The following NEBL variants were observed in gnomAD, a reference collection of about 807,000 sequenced individuals.
The protein encoded by NEBL is LIM and SH3 protein 2.
A neutral mutation model predicts 140.2 loss-of-function variants in NEBL; 122 were observed. The observed-to-expected ratio is 0.87, with a 90% CI of 0.75 to 1.01. The LOEUF (loss-of-function observed/expected upper bound fraction) is 1.01. NEBL is among the 50% of genes least tolerant of loss of function. The pLI, the probability that NEBL is intolerant of heterozygous loss-of-function variation, is 0.00. For missense variants in NEBL, 1,365 were observed against 1,231.3 expected, an observed-to-expected ratio of 1.11 and a Z score of -1.62; for synonymous variants, 436 against 398.9, an observed-to-expected ratio of 1.09 and a Z score of -1.11.
rs5783760 is a variant in NEBL at position 21,024,068 on chromosome 10, G to GA, written c.165-3868dup. ...TATTTGGAAAAAGTGTTACTCTGGG[G>GA]AAAAAAAAAAAAAACATTGAAAAGC... On this transcript the variant is annotated intron_variant, in intron 2 of 6. Transcript: ENST00000417816. Among the ~76,000 whole-genome samples the GA allele has an allele frequency of 0.024, 3,235 of 132,882 alleles. 337 individuals are homozygous for GA. The East Asian group carries it at 0.36, about 15-fold the overall frequency. The allele number at this position is 132,882 out of a possible 152,430, so 87.2% of individuals were successfully genotyped here. A position where few individuals can be genotyped will look rare whatever the true frequency, so the allele number is the denominator to read the frequency against.
At chr10:20,941,136 A>C (rs1834837730) in intron 4 of NEBL, among the ~76,000 whole-genome samples, 1 of 152,224 alleles carries the variant, frequency 6.6e-6, no homozygotes, top group Admixed American at 6.5e-5. Flanking sequence ...ACAACAAAAA[A>C]AGGGAATTTT....
At chr10:20,842,928 T>C (rs955385932) in intron 12 of NEBL, among the ~76,000 whole-genome samples, 16 of 152,070 alleles carry the variant, frequency 1.1e-4, no homozygotes, top group Non-Finnish European at 2.1e-4. Flanking sequence ...AGTTCAAGTA[T>C]TTTAGATTCC....
chr10:20,848,345 C>A (rs1349723464), intron 11 of NEBL, among the ~76,000 whole-genome samples: 1 of 152,080 alleles, frequency 6.6e-6, no homozygotes, highest in East Asian at 1.9e-4. Context: ...GAACTTTGAC[C>A]AAATTCACTA....
chr10:21,251,511 T>A (rs1363884466), intron 2 of NEBL, among the ~76,000 whole-genome samples: 2 of 152,206 alleles, frequency 1.3e-5, no homozygotes, highest in African/African-American at 4.8e-5. Flanking sequence ...AACCTGTGAA[T>A]GTAACCTTAT....
chr10:21,280,385 G>A (rs1434689390), intron 1 of NEBL, among the ~76,000 whole-genome samples: 1 of 152,156 alleles, frequency 6.6e-6, no homozygotes, highest in African/African-American at 2.4e-5. Context: ...AGAATTGTAA[G>A]TCCCTTTAGG....
chr10:20,879,906 G>A (rs1471334588), intron 5 of NEBL, among the ~76,000 whole-genome samples: 5 of 152,142 alleles, frequency 3.3e-5, no homozygotes, highest in Non-Finnish European at 5.9e-5. Context: ...TCGAGCAAAT[G>A]CATGCAAACC....
exon 1 of NEBL, among the ~76,000 whole-genome samples, chr10:21,292,915 A>T (rs1843164369): frequency 6.6e-6 from 1 of 152,220 alleles, no homozygotes; most frequent in Non-Finnish European, 1.5e-5. Context: ...ACCACAAAGT[A>T]CTCACACTTG....
At chr10:20,929,638 T>G (rs1834083797) in intron 4 of NEBL, among the ~76,000 whole-genome samples, 2 of 151,380 alleles carry the variant, frequency 1.3e-5, no homozygotes. Context: ...TATCGTTAAG[T>G]GAAATAACTC....
At chr10:21,292,963 A>G (rs569379484) in exon 1 of NEBL, among the ~76,000 whole-genome samples, 1 of 152,316 alleles carries the variant, frequency 6.6e-6, no homozygotes, top group Non-Finnish European at 1.5e-5. Context: ...TTTTTAAACG[A>G]CAGCCAAGCA....
Position 20,809,837 on chromosome 10 carries a change from ATT to A in NEBL, c.2578_2579del (p.Asn860TyrfsTer4), listed in dbSNP as rs759008208. On this transcript the variant is annotated frameshift_variant, in exon 25 of 28. Transcript: ENST00000377122. LOFTEE classifies it high-confidence loss of function. The stretch of plus-strand genomic sequence containing the variant: ...GCATATGGAGACTTCTAGACTGAAT[ATT>A]GTCTTCCAGGGGATCAAGGTCGAAG... ...SIFDLDPLEDNIQSRSLHMLS... is the reference protein window; with the variant it reads ...SIFDLDPLEDXIQSRSLHMLS... 14 of 1,611,416 alleles carry A rather than the reference ATT, an allele frequency of 8.7e-6. No individual in the cohort carries two copies. The East Asian group carries it at 3.1e-4, about 36-fold the overall frequency.
chr10:21,152,836 TA>T (rs1316453843), intron 2 of NEBL, among the ~76,000 whole-genome samples: 1 of 152,184 alleles, frequency 6.6e-6, no homozygotes, highest in East Asian at 1.9e-4. Context: ...TTTATTCTTC[TA>T]AAATAAAGAG....
chr10:21,173,484 C>G lies in NEBL; in HGVS notation c.69+281G>C, dbSNP rs1255103882. ...GTGCCCAGCCTGGTCCCTCCGGGGT[C>G]CGGGGCTGCGCACCGCCGTGCGCCC... On this transcript the variant is annotated intron_variant, in intron 1 of 6. Transcript: ENST00000417816. This position sits in a 1 kb window ranked among gnomAD's most constrained non-coding sequence, Gnocchi z 5.7. 6.6e-6 allele frequency among the ~76,000 whole-genome samples: 1 copy of G among 152,034 alleles called. No individual in the cohort carries two copies. Among genetic ancestry groups the G allele is most frequent in the East Asian group, 2.0e-4 (1 of 5,052 alleles).
At chr10:20,955,339 G>C (rs79187684) in intron 4 of NEBL, among the ~76,000 whole-genome samples, 1 of 152,170 alleles carries the variant, frequency 6.6e-6, no homozygotes, top group Non-Finnish European at 1.5e-5. Flanking sequence ...ACAAATGATA[G>C]TGTTATAGCA....
At chr10:21,029,550 TG>T (rs2131800550) in intron 2 of NEBL, 1 of 1,605,668 alleles carries the variant, frequency 6.2e-7, no homozygotes, top group East Asian at 2.2e-5. Flanking sequence ...ATCGTTCTTT[TG>T]GCCGTGATAG....
intron 4 of NEBL, among the ~76,000 whole-genome samples, chr10:20,882,132 A>G (rs1846064958): frequency 6.6e-6 from 1 of 152,054 alleles, no homozygotes; most frequent in Non-Finnish European, 1.5e-5. Flanking sequence ...GAGCCACGGC[A>G]TTCTATCCTG....
intron 3 of NEBL, among the ~76,000 whole-genome samples, chr10:21,246,694 C>T (rs1024010274): frequency 3.3e-5 from 5 of 151,866 alleles, no homozygotes; most frequent in Admixed American, 2.6e-4. Flanking sequence ...AATCATCGAG[C>T]GTGGTGGTGC....
intron 3 of NEBL, among the ~76,000 whole-genome samples, chr10:21,205,048 G>C (rs545074329): frequency 1.3e-5 from 2 of 152,298 alleles, no homozygotes; most frequent in South Asian, 2.1e-4. Flanking sequence ...CATTTCTGTT[G>C]TTTGCAACTA....
chr10:21,106,216 C>T (rs1837711254), intron 2 of NEBL, among the ~76,000 whole-genome samples: 1 of 152,146 alleles, frequency 6.6e-6, no homozygotes, highest in African/African-American at 2.4e-5. Flanking sequence ...TCTATTTTGG[C>T]TTTTGTTGCC....
chr10:21,112,108 G>T (rs61851469), intron 2 of NEBL, among the ~76,000 whole-genome samples: 1 of 152,148 alleles, frequency 6.6e-6, no homozygotes, highest in Non-Finnish European at 1.5e-5. Flanking sequence ...TGGAGAGGAT[G>T]TGGAGAAATA....
Sources: allele counts gnomAD v4.1 joint callset (sites outside exome capture counted in the v4.1 genomes callset), GRCh38; gene constraint gnomAD v4.1.1; non-coding constraint Gnocchi (gnomAD v3.1); transcripts MANE v1.5; gene names NCBI Gene and HGNC (gene_info 2026-07-23, HGNC 2026-07-21).